The following LRBA variants were observed in gnomAD, a reference collection of about 807,000 sequenced individuals.
LRBA encodes the protein LPS responsive beige-like anchor protein.
A neutral mutation model predicts 330.0 loss-of-function variants in LRBA; 176 were observed. The ratio of observed to expected loss-of-function variants is 0.53; its 90% confidence interval spans 0.47 to 0.60. LRBA has a LOEUF of 0.60. LRBA is among the 20% of genes least tolerant of loss of function. LRBA has a pLI of 0.00. For missense variants in LRBA, 3,259 were observed against 3,444.8 expected (o/e 0.95, Z 1.35); for synonymous variants, 1,230 against 1,193.0 (o/e 1.03, Z -0.64).
At chr4:150,671,528 G>A (rs1049240469) in intron 37 of LRBA, among the ~76,000 whole-genome samples, 1 of 152,120 alleles carries the variant, frequency 6.6e-6, no homozygotes, top group Non-Finnish European at 1.5e-5. Context: ...GATTTAACAT[G>A]TGATAACAAT....
chr4:150,950,050 C>T (rs993743188), intron 2 of LRBA, among the ~76,000 whole-genome samples: 2 of 152,088 alleles, frequency 1.3e-5, no homozygotes. Flanking sequence ...AAATCCATTA[C>T]ATAACTTCAG....
chr4:150,348,761 T>C (rs6535732), intron 48 of LRBA, among the ~76,000 whole-genome samples: 123,553 of 151,976 alleles, frequency 0.81, 51,379 homozygotes, highest in Non-Finnish European at 0.93. Flanking sequence ...ATTGCCAAAA[T>C]GAACAAAAAA....
At chr4:150,502,938 C>T (rs937827685) in intron 40 of LRBA, among the ~76,000 whole-genome samples, 8 of 152,174 alleles carry the variant, frequency 5.3e-5, no homozygotes, top group African/African-American at 9.7e-5. Flanking sequence ...CCTACACCCA[C>T]GGAGTCTCGC....
chr4:150,296,196 CG>C (rs1728953256), intron 53 of LRBA, among the ~76,000 whole-genome samples: 2 of 151,882 alleles, frequency 1.3e-5, no homozygotes, highest in Non-Finnish European at 2.9e-5. Flanking sequence ...GTTAAAAATA[CG>C]TAAGTAAGGG....
chr4:150,845,925 C>T (rs978057094), intron 26 of LRBA, among the ~76,000 whole-genome samples: 1 of 152,146 alleles, frequency 6.6e-6, no homozygotes, highest in African/African-American at 2.4e-5. Context: ...CACCTCATTT[C>T]CTGGTTTCAA....
chr4:150,736,555 G>A (rs1355674157), intron 35 of LRBA, among the ~76,000 whole-genome samples: 1 of 151,982 alleles, frequency 6.6e-6, no homozygotes, highest in Non-Finnish European at 1.5e-5. Context: ...CTGAAACATA[G>A]TAAGAAAAAT....
At chr4:151,002,196 CAAAAAAAAAAAAA>C (rs143587760) in intron 2 of LRBA, among the ~76,000 whole-genome samples, 1 of 24,392 alleles carries the variant, frequency 4.1e-5, no homozygotes, top group Non-Finnish European at 7.2e-5. Flanking sequence ...CATAAAACAG[CAAAAAAAAAAAAA>C]AAAAAAAAAA....
At chr4:150,371,855 A>C (rs935219792) in intron 47 of LRBA, among the ~76,000 whole-genome samples, 1 of 152,146 alleles carries the variant, frequency 6.6e-6, no homozygotes, top group African/African-American at 2.4e-5. Context: ...AATTATCCTT[A>C]AACAAATTAT....
chr4:150,523,807 T>C (rs1017633672), intron 40 of LRBA, among the ~76,000 whole-genome samples: 3 of 152,106 alleles, frequency 2.0e-5, no homozygotes, highest in African/African-American at 7.2e-5. Context: ...GGGAAGAATC[T>C]ATCTATCTAC....
At chr4:150,915,115 T>C (rs1418747451) in intron 8 of LRBA, among the ~76,000 whole-genome samples, 2 of 152,134 alleles carry the variant, frequency 1.3e-5, no homozygotes, top group Non-Finnish European at 2.9e-5. Context: ...GTGTACTTTA[T>C]GTTCATTTTC....
At chr4:150,401,907 A>C (rs1464356651) in intron 47 of LRBA, among the ~76,000 whole-genome samples, 2 of 151,940 alleles carry the variant, frequency 1.3e-5, no homozygotes, top group Non-Finnish European at 2.9e-5. Context: ...GGGTGAAAAA[A>C]GAGGAGAGAG....
At chr4:150,277,707 G>T in intron 56 of LRBA, 146 bp downstream of exon 56, 2 of 795,972 alleles carry the variant, frequency 2.5e-6, no homozygotes, top group South Asian at 1.9e-5. Flanking sequence ...TTGCAATGTT[G>T]CCCAGGCTGG....
At chr4:150,277,728 C>T in intron 56 of LRBA, 125 bp downstream of exon 56, 1 of 1,034,144 alleles carries the variant, frequency 9.7e-7, no homozygotes, top group East Asian at 2.5e-5. Context: ...CTTCGAACTC[C>T]TGGGCTCAAG....
rs182827261 is a variant in LRBA, at chr4:150,975,480, C to A, written c.216+38947G>T. Among the ~76,000 whole-genome samples, 3 of 150,008 alleles carry A rather than the reference C, an allele frequency of 2.0e-5. No homozygotes were observed. The South Asian group carries it at 6.3e-4, about 31-fold the overall frequency. ...GACGGAGGTTGCAGTGAGCCCAGATCGCACCACTGCACTTCAGCCTAAGTG... is the reference window on the plus strand; with the variant it reads ...GACGGAGGTTGCAGTGAGCCCAGATAGCACCACTGCACTTCAGCCTAAGTG... On this transcript the variant is annotated intron_variant, in intron 2 of 56. Coordinates refer to ENST00000651943, the MANE Select transcript of LRBA (RefSeq NM_001364905.1).
In LRBA at chr4:150,365,681, C is replaced by G. The variant is rs1008793382; in HGVS notation, c.7195-15522G>C. On this transcript the variant is annotated intron_variant, in intron 47 of 56. Transcript: ENST00000651943. Reference sequence around the variant, plus strand: ...TGGTGCATGACTGTAATCCCAGCTACTCAGGAGGCTGAGGCAAGAGAATCT... The same window carrying G: ...TGGTGCATGACTGTAATCCCAGCTAGTCAGGAGGCTGAGGCAAGAGAATCT... 2.6e-5 allele frequency among the ~76,000 whole-genome samples: 4 copies of G among 151,182 alleles called. No individual in the cohort carries two copies. In the Admixed American group the frequency reaches 2.6e-4, roughly 10 times the overall value.
In LRBA at chr4:150,905,993, GC is replaced by G; in HGVS notation, c.1603-4del. On this transcript the variant is annotated splice_region_variant and splice_polypyrimidine_tract_variant and intron_variant, in intron 12 of 56. Coordinates refer to ENST00000651943, the MANE Select transcript of LRBA (RefSeq NM_001364905.1). ...CTGCTAACATGAGATTTGGAAGACTGCAAAAAAAGTAGTTCAAATGTTACCA... is the reference window on the plus strand; with the variant it reads ...CTGCTAACATGAGATTTGGAAGACTGAAAAAAAGTAGTTCAAATGTTACCA... The G allele has an allele frequency of 6.2e-7, 1 of 1,609,684 alleles. No individual in the cohort carries two copies.
chr4:150,902,431 C>T (rs1272494859), intron 13 of LRBA, among the ~76,000 whole-genome samples: 1 of 151,992 alleles, frequency 6.6e-6, no homozygotes, highest in Admixed American at 6.6e-5. Context: ...GGTCTGGAGG[C>T]AGCGAACCTA....
At chr4:150,627,574 G>C (rs1187578307) in intron 37 of LRBA, among the ~76,000 whole-genome samples, 1 of 151,800 alleles carries the variant, frequency 6.6e-6, no homozygotes, top group Non-Finnish European at 1.5e-5. Flanking sequence ...AAACTAAATA[G>C]AAAGTATATT....
chr4:150,739,766 C>A (rs1359766867), intron 35 of LRBA, among the ~76,000 whole-genome samples: 1 of 152,140 alleles, frequency 6.6e-6, no homozygotes, highest in East Asian at 1.9e-4. Context: ...CTGAGTAGAG[C>A]CCCAGACAAC....
Sources: allele counts gnomAD v4.1 joint callset (sites outside exome capture counted in the v4.1 genomes callset), GRCh38; gene constraint gnomAD v4.1.1; transcripts MANE v1.5; gene names NCBI Gene and HGNC (gene_info 2026-07-23, HGNC 2026-07-21).